ZNF536: variants seen among roughly 807,000 people sequenced by gnomAD.
ZNF536 encodes the protein zinc finger protein 536.
A neutral mutation model predicts 84.5 loss-of-function variants in ZNF536; 13 were observed. That is an observed-to-expected ratio of 0.15 (90% CI 0.10 to 0.24). The LOEUF is 0.24. Ranked by LOEUF, ZNF536 falls within the 10% of genes least tolerant of loss-of-function variation. The pLI, the probability that ZNF536 is intolerant of heterozygous loss-of-function variation, is 1.00. For missense variants in ZNF536, 1,536 were observed against 1,747.5 expected (o/e 0.88, Z 2.16); for synonymous variants, 811 against 742.5 (o/e 1.09, Z -1.50).
chr19:30,666,257 C>T (rs1216417464), intron 1 of ZNF536, among the ~76,000 whole-genome samples: 1 of 152,238 alleles, frequency 6.6e-6, no homozygotes, highest in Non-Finnish European at 1.5e-5. Context: ...TCTCCCATCA[C>T]TCAGGATGCT....
At chr19:30,378,996 G>C (rs756482436) in intron 1 of ZNF536, among the ~76,000 whole-genome samples, 18 of 152,164 alleles carry the variant, frequency 1.2e-4, no homozygotes, top group South Asian at 4.1e-4. Context: ...GTGTGGGGAG[G>C]GGGTGATAGC....
chr19:30,698,702 G>A (rs2051766368), intron 1 of ZNF536, among the ~76,000 whole-genome samples: 1 of 152,144 alleles, frequency 6.6e-6, no homozygotes, highest in Non-Finnish European at 1.5e-5. Flanking sequence ...ATCAAGTCAA[G>A]GGCACCTGCT....
intron 1 of ZNF536, among the ~76,000 whole-genome samples, chr19:30,428,712 T>C (rs2051319998): frequency 6.6e-6 from 1 of 152,154 alleles, no homozygotes; most frequent in South Asian, 2.1e-4. Flanking sequence ...CCTGGTGAGA[T>C]AGTACAGAGT....
chr19:30,467,577 G>A (rs1246792845), intron 2 of ZNF536, among the ~76,000 whole-genome samples: 2 of 152,200 alleles, frequency 1.3e-5, no homozygotes, highest in South Asian at 2.1e-4. Context: ...TGACGACAAG[G>A]AGGGTGGATC....
At chr19:30,689,358 T>G (rs2051317922) in intron 1 of ZNF536, among the ~76,000 whole-genome samples, 1 of 152,352 alleles carries the variant, frequency 6.6e-6, no homozygotes, top group Middle Eastern at 3.4e-3. Flanking sequence ...AGAGCTCAAA[T>G]GCCAAAAACA....
chr19:30,352,969 G>A (rs2047980561), intron 3 of ZNF536, among the ~76,000 whole-genome samples: 1 of 152,188 alleles, frequency 6.6e-6, no homozygotes, highest in Non-Finnish European at 1.5e-5. Flanking sequence ...AGCCCAAGCT[G>A]AAGTCATAAA....
intron 2 of ZNF536, among the ~76,000 whole-genome samples, chr19:30,321,830 T>C (rs2046869047): frequency 6.6e-6 from 1 of 151,200 alleles, no homozygotes; most frequent in South Asian, 2.1e-4. Flanking sequence ...CAGGCCAGAA[T>C]GCAGTGGTGC....
chr19:30,421,611 C>T (rs1410316229), intron 1 of ZNF536, among the ~76,000 whole-genome samples: 1 of 152,190 alleles, frequency 6.6e-6, no homozygotes, highest in African/African-American at 2.4e-5. Flanking sequence ...GATCCTCCCA[C>T]CTCAGCCTCC....
In ZNF536 at chr19:30,524,383, T is replaced by A. The variant is rs149391019; in HGVS notation, c.2171-10464T>A. Among the ~76,000 whole-genome samples, 51 of 152,306 alleles carry A rather than the reference T, an allele frequency of 3.3e-4. No individual in the cohort carries two copies. The East Asian group carries it at 9.4e-3, about 28-fold the overall frequency. ...GGAACGGCTATATTAAAAGCTGGGA[T>A]CACTCGGCTGGTTAAAGAGAAAGAC... On this transcript the variant is annotated intron_variant, in intron 2 of 4. Coordinates refer to ENST00000355537, the MANE Select transcript of ZNF536 (RefSeq NM_014717.3).
intron 2 of ZNF536, among the ~76,000 whole-genome samples, chr19:30,507,637 A>C (rs1317560528): frequency 6.6e-6 from 1 of 152,238 alleles, no homozygotes; most frequent in Non-Finnish European, 1.5e-5. Flanking sequence ...TCTAAAAGGT[A>C]TTTAAAAAGG....
At chr19:30,392,581 CCTT>C (rs1322666461) in intron 1 of ZNF536, among the ~76,000 whole-genome samples, 2 of 152,170 alleles carry the variant, frequency 1.3e-5, no homozygotes, top group Non-Finnish European at 2.9e-5. Context: ...AGCCAGTCCT[CCTT>C]CTTTCTGTGT....
intron 1 of ZNF536, among the ~76,000 whole-genome samples, chr19:30,405,135 A>G (rs1459200183): frequency 6.6e-6 from 1 of 152,180 alleles, no homozygotes; most frequent in African/African-American, 2.4e-5. Context: ...CCCAGAACCC[A>G]GTCCTCTTGG....
chr19:30,243,961 C>G (rs1171025730), intron 1 of ZNF536, among the ~76,000 whole-genome samples: 1 of 152,164 alleles, frequency 6.6e-6, no homozygotes, highest in Non-Finnish European at 1.5e-5. Context: ...CAGCACAATC[C>G]TATATACTTT....
intron 2 of ZNF536, among the ~76,000 whole-genome samples, chr19:30,456,947 C>T (rs915232648): frequency 6.7e-6 from 1 of 149,194 alleles, no homozygotes; most frequent in African/African-American, 2.5e-5. Context: ...GAGACTGAGG[C>T]AGGAGAATTG....
chr19:30,441,921 G>A (rs1322906934), intron 1 of ZNF536, among the ~76,000 whole-genome samples: 3 of 152,180 alleles, frequency 2.0e-5, no homozygotes, highest in East Asian at 1.9e-4. Context: ...GTCTCCTGGC[G>A]GGAGGCCCAG....
At chr19:30,544,120 C>A (rs545183499) in intron 3 of ZNF536, among the ~76,000 whole-genome samples, 2 of 152,160 alleles carry the variant, frequency 1.3e-5, no homozygotes, top group Non-Finnish European at 2.9e-5. Context: ...AAGGGTTTAT[C>A]CCCTGGAACA....
rs539206800 is a variant in ZNF536 at position 30,241,051 on chromosome 19, C to T, written c.-190+12378C>T. ...AAATAATTCAGGCCTGGGGCAGTGG[C>T]TCACACCTTTAATCCCAGCACTTTG... On this transcript the variant is annotated intron_variant, in intron 1 of 5. Transcript: ENST00000585628. Among the ~76,000 whole-genome samples, 218 of 152,328 alleles carry T rather than the reference C, an allele frequency of 1.4e-3. 1 individual carries two copies. The highest frequency in any genetic ancestry group is 3.4e-3 in the Middle Eastern group (1 of 294).
At chr19:30,538,016 C>A (rs1042479279) in intron 3 of ZNF536, among the ~76,000 whole-genome samples, 11 of 152,174 alleles carry the variant, frequency 7.2e-5, no homozygotes, top group Non-Finnish European at 1.5e-5. Context: ...TGTTATAAAT[C>A]ACCCAAATAA....
At chr19:30,630,176 G>T (rs1407125372) in intron 1 of ZNF536, among the ~76,000 whole-genome samples, 1 of 152,254 alleles carries the variant, frequency 6.6e-6, no homozygotes, top group Non-Finnish European at 1.5e-5. Flanking sequence ...GCAGGCAAGA[G>T]AGGTTGAATC....
Sources: gnomAD v4.1 joint callset for allele counts (sites outside exome capture counted in the v4.1 genomes callset) on GRCh38, gnomAD v4.1.1 for gene constraint, MANE v1.5 for transcripts, NCBI Gene and HGNC (gene_info 2026-07-23, HGNC 2026-07-21) for gene names.